The following KCNIP4 variants were observed in gnomAD, a reference collection of about 807,000 sequenced individuals.
KCNIP4 encodes the protein potassium voltage-gated channel interacting protein 4.
In KCNIP4, 12 loss-of-function variants were observed where a neutral mutation model predicts 34.0. That is an observed-to-expected ratio of 0.35 (90% CI 0.23 to 0.57). The LOEUF (loss-of-function observed/expected upper bound fraction) is 0.57. KCNIP4 is among the 20% of genes least tolerant of loss of function. KCNIP4 has a pLI of 0.83. For synonymous variants in KCNIP4, 124 were observed against 102.2 expected, an observed-to-expected ratio of 1.21 and a Z score of -1.29; for missense variants, 238 against 311.7, an observed-to-expected ratio of 0.76 and a Z score of 1.78.
intron 1 of KCNIP4, among the ~76,000 whole-genome samples, chr4:21,061,243 C>G (rs7688242): frequency 0.022 from 3,291 of 151,990 alleles, 131 homozygotes; most frequent in African/African-American, 0.075. Context: ...ATATTCGGAG[C>G]TTTAAATATA....
intron 5 of KCNIP4, among the ~76,000 whole-genome samples, chr4:20,741,433 C>G (rs556222578): frequency 3.9e-5 from 6 of 152,212 alleles, no homozygotes; most frequent in Non-Finnish European, 5.9e-5. Context: ...AACTGCACAA[C>G]TACTTGGAAA....
chr4:21,099,597 C>T (rs767248530), intron 1 of KCNIP4, among the ~76,000 whole-genome samples: 1 of 151,984 alleles, frequency 6.6e-6, no homozygotes, highest in Non-Finnish European at 1.5e-5. Flanking sequence ...ATATCCCGCA[C>T]ATATACCATG....
chr4:21,514,786 CAA>C (rs1451971161), intron 1 of KCNIP4, among the ~76,000 whole-genome samples: 1 of 152,172 alleles, frequency 6.6e-6, no homozygotes, highest in Non-Finnish European at 1.5e-5. Flanking sequence ...TCACCTCTCA[CAA>C]AGAGAGTAGT....
chr4:21,932,363 G>T (rs1729619478), intron 1 of KCNIP4, among the ~76,000 whole-genome samples: 1 of 152,220 alleles, frequency 6.6e-6, no homozygotes, highest in East Asian at 1.9e-4. Flanking sequence ...AACAGTAACT[G>T]GCCTGAAGCC....
intron 1 of KCNIP4, among the ~76,000 whole-genome samples, chr4:21,005,040 TGA>T (rs560019225): frequency 3.0e-4 from 46 of 152,286 alleles, no homozygotes; most frequent in African/African-American, 1.1e-3. Context: ...TTAGAAAAAC[TGA>T]GACTCATGTG....
chr4:21,470,995 G>T (rs1730422164), intron 1 of KCNIP4, among the ~76,000 whole-genome samples: 1 of 152,104 alleles, frequency 6.6e-6, no homozygotes, highest in African/African-American at 2.4e-5. Flanking sequence ...ATCTTCTAGG[G>T]ATTGGTATAA....
At chr4:21,768,540 A>C (rs1489022243) in intron 1 of KCNIP4, among the ~76,000 whole-genome samples, 3 of 152,074 alleles carry the variant, frequency 2.0e-5, no homozygotes, top group Non-Finnish European at 4.4e-5. Context: ...TTTGTTTACA[A>C]AGGATTTCTC....
intron 2 of KCNIP4, among the ~76,000 whole-genome samples, chr4:20,880,648 G>C (rs559797526): frequency 3.3e-5 from 5 of 152,082 alleles, no homozygotes; most frequent in Admixed American, 3.3e-4. Flanking sequence ...AGATCCATTT[G>C]AAAGTTACAT....
intron 1 of KCNIP4, among the ~76,000 whole-genome samples, chr4:21,656,322 T>A (rs4697225): frequency 0.35 from 52,816 of 152,024 alleles, 10,945 homozygotes; most frequent in East Asian, 0.9. Context: ...AGGGCCCATA[T>A]TTCTGCAGTA....
intron 1 of KCNIP4, among the ~76,000 whole-genome samples, chr4:21,259,009 C>T (rs1224422688): frequency 1.3e-5 from 2 of 152,028 alleles, no homozygotes; most frequent in South Asian, 2.1e-4. Context: ...AACATTTACC[C>T]GGGATGTGAA....
chr4:20,997,919 A>G (rs984903557), intron 1 of KCNIP4, among the ~76,000 whole-genome samples: 2 of 152,174 alleles, frequency 1.3e-5, no homozygotes, highest in Admixed American at 6.5e-5. Flanking sequence ...GAACGTGTAG[A>G]GAGGTGAAGA....
chr4:21,408,554 G>T (rs185899111), intron 1 of KCNIP4, among the ~76,000 whole-genome samples: 8 of 152,250 alleles, frequency 5.3e-5, no homozygotes, highest in African/African-American at 1.4e-4. Flanking sequence ...AGGATGTTTT[G>T]CTGTGTTTCA....
intron 1 of KCNIP4, among the ~76,000 whole-genome samples, chr4:21,770,382 G>A (rs1207834720): frequency 6.6e-6 from 1 of 152,052 alleles, no homozygotes; most frequent in African/African-American, 2.4e-5. Flanking sequence ...GGGTATTTGG[G>A]TTGGTTCCAT....
At chr4:21,150,303 A>C (rs1752668661) in intron 1 of KCNIP4, among the ~76,000 whole-genome samples, 1 of 151,534 alleles carries the variant, frequency 6.6e-6, no homozygotes, top group Non-Finnish European at 1.5e-5. Context: ...GCTTGGCTCC[A>C]TTTGTCATCT....
chr4:21,172,218 G>T (rs982694072), intron 1 of KCNIP4, among the ~76,000 whole-genome samples: 5 of 152,052 alleles, frequency 3.3e-5, no homozygotes, highest in African/African-American at 1.2e-4. Context: ...TTTTAGTAGA[G>T]AAGGGGTTTC....
intron 1 of KCNIP4, among the ~76,000 whole-genome samples, chr4:21,656,011 TA>T (rs1747897553): frequency 1.3e-5 from 2 of 152,208 alleles, no homozygotes; most frequent in Non-Finnish European, 2.9e-5. Flanking sequence ...CTAGTGCTGC[TA>T]TAACAAAGTA....
chr4:21,298,597 C>G (rs16870742), intron 1 of KCNIP4, among the ~76,000 whole-genome samples: 3 of 152,022 alleles, frequency 2.0e-5, no homozygotes, highest in Admixed American at 6.6e-5. Flanking sequence ...CAGATCGACT[C>G]TCAGTTTGAG....
At chr4:20,939,292 T>G (rs1010490938) in intron 1 of KCNIP4, among the ~76,000 whole-genome samples, 6 of 152,202 alleles carry the variant, frequency 3.9e-5, no homozygotes, top group Non-Finnish European at 7.4e-5. Flanking sequence ...CATCTCAGCT[T>G]GCTTGGCTGA....
intron 1 of KCNIP4, among the ~76,000 whole-genome samples, chr4:21,081,863 A>G (rs1480904742): frequency 6.6e-6 from 1 of 151,828 alleles, no homozygotes; most frequent in African/African-American, 2.4e-5. Flanking sequence ...TCACACATTA[A>G]GATGTAGACG....
Sources: allele counts gnomAD v4.1 joint callset (sites outside exome capture counted in the v4.1 genomes callset), GRCh38; gene constraint gnomAD v4.1.1; transcripts MANE v1.5; gene names NCBI Gene and HGNC (gene_info 2026-07-23, HGNC 2026-07-21).